MBOAT7: variants seen among roughly 807,000 people sequenced by gnomAD.
MBOAT7 encodes membrane bound acylglycerophosphatidylinositol O-acyltransferase MBOAT7, also known as membrane-bound acylglycerophosphatidylinositol O-acyltransferase MBOAT7.
Under a neutral mutation model 47.4 loss-of-function variants are expected in MBOAT7, and 40 were observed. The observed-to-expected ratio is 0.84, with a 90% CI of 0.66 to 1.10. MBOAT7 has a LOEUF of 1.10. MBOAT7 is among the 50% of genes least tolerant of loss of function. The probability of loss-of-function intolerance (pLI) is 0.00; values close to 1 mark genes in which losing one functional copy is unlikely to be tolerated. For missense variants in MBOAT7, 680 were observed against 655.6 expected (o/e 1.04, Z -0.41); for synonymous variants, 361 against 292.0 (o/e 1.24, Z -2.41).
intron 5 of MBOAT7, among the ~76,000 whole-genome samples, chr19:54,182,311 T>C (rs2076309648): frequency 6.6e-6 from 1 of 152,012 alleles, no homozygotes; most frequent in Non-Finnish European, 1.5e-5. Context: ...GTAAGCGCAA[T>C]GTCCAGAACA....
chr19:54,177,721 C>T (rs952514630), intron 7 of MBOAT7, among the ~76,000 whole-genome samples: 1 of 151,662 alleles, frequency 6.6e-6, no homozygotes, highest in Non-Finnish European at 1.5e-5. Flanking sequence ...GGATTATAGG[C>T]GCCCGCCACC....
chr19:54,183,561 C>T lies in MBOAT7; in HGVS notation c.453G>A (p.Glu151=). The T allele has an allele frequency of 6.8e-6, 11 of 1,608,302 alleles. No homozygotes were observed. The highest frequency in any genetic ancestry group is 1.1e-5 in the South Asian group (1 of 89,932). The change falls in exon 5 of 8, where the codon GAG becomes GAA. Residue 151 remains glutamate, a synonymous_variant. Transcript: ENST00000245615. ...GLLPDVPSLM[E]TLSYSYCYVG... is the part of the protein sequence containing the mutation. ...CGTAGCAGTAGCTGTAGCTGAGTGTCTCCATCAGGGAGGGCACGTCGGGCA... is the reference window on the plus strand; with the variant it reads ...CGTAGCAGTAGCTGTAGCTGAGTGTTTCCATCAGGGAGGGCACGTCGGGCA...
In MBOAT7 at chr19:54,174,398, C is replaced by A; in HGVS notation, c.1065G>T (p.Trp355Cys). 6.3e-7 allele frequency: 1 copy of A among 1,597,906 alleles called. No individual in the cohort carries two copies. The highest frequency in any genetic ancestry group is 8.5e-7 in the Non-Finnish European group (1 of 1,172,084). The change falls in exon 8 of 8, where the codon TGG becomes TGT. Residue 355 changes from tryptophan (W) to cysteine (C), a missense_variant. Trp to Cys is a radical substitution (Grantham distance 215, BLOSUM62 -2). Coordinates refer to ENST00000245615, the MANE Select transcript of MBOAT7 (RefSeq NM_024298.5). Reference sequence around the variant, plus strand: ...GGTAGTAGCCCGGGTGGAGGCCGTGCCAGTAGGCGCTCAGCAGCATGGTCC... The same window carrying A: ...GGTAGTAGCCCGGGTGGAGGCCGTGACAGTAGGCGCTCAGCAGCATGGTCC... ...SAWTMLLSAY[W>C]HGLHPGYYLS...
rs961811046 is a variant in MBOAT7 at position 54,188,528 on chromosome 19, G to T, written c.-3-17C>A. 1.3e-6 allele frequency: 2 copies of T among 1,549,990 alleles called. No individual in the cohort carries two copies. The highest frequency in any genetic ancestry group is 1.4e-5 in the African/African-American group (1 of 72,944). On this transcript the variant is annotated splice_polypyrimidine_tract_variant and intron_variant, in intron 1 of 7. Transcript: ENST00000245615. ...CGACATGGTCTGGGGGAGGGGCAGA[G>T]ATTCACAGTGAGAACCCAGGAATCC...
rs371287420 is a variant in MBOAT7, at chr19:54,174,300, C to T, written c.1163G>A (p.Ser388Asn). ...RLESALRGRL[S>N]PGGQKAWDWV... is the part of the protein sequence containing the mutation. ...GTCCCAGGCCTTCTGGCCCCCTGGG[C>T]TCAGCCGCCCCCGCAGGGCTGACTC... is the stretch of plus-strand genomic sequence containing the variant. The change falls in exon 8 of 8, where the codon AGC becomes AAC. Residue 388 changes from serine to asparagine, a missense_variant. Ser to Asn is a conservative substitution (Grantham distance 46). Coordinates refer to ENST00000245615, the MANE Select transcript of MBOAT7 (RefSeq NM_024298.5). The T allele has an allele frequency of 1.9e-5, 31 of 1,613,104 alleles. No homozygotes were observed. Among genetic ancestry groups the T allele is most frequent in the Middle Eastern group, 1.6e-4 (1 of 6,074 alleles).
At chr19:54,179,021 C>A in intron 6 of MBOAT7, 80 bp from the exon 7 acceptor site, 1 of 1,541,450 alleles carries the variant, frequency 6.5e-7, no homozygotes, top group South Asian at 1.2e-5. Flanking sequence ...GTGTCCCAGC[C>A]CCGGATGCTA....
intron 7 of MBOAT7, among the ~76,000 whole-genome samples, chr19:54,177,898 C>CTTTTT (rs2076152527): frequency 7.4e-5 from 4 of 54,070 alleles, no homozygotes; most frequent in African/African-American, 7.9e-5. Flanking sequence ...AGTTCTACTT[C>CTTTTT]TGTTTTTTTT....
At chr19:54,188,187 C>G in intron 3 of MBOAT7, 30 bp downstream of exon 3, 1 of 1,569,444 alleles carries the variant, frequency 6.4e-7, no homozygotes, top group South Asian at 1.2e-5. Context: ...CTCCCCTCCT[C>G]TCCCTCTCCT....
At chr19:54,175,396 CAGG>C (rs1000636243) in intron 7 of MBOAT7, among the ~76,000 whole-genome samples, 25 of 152,118 alleles carry the variant, frequency 1.6e-4, no homozygotes, top group African/African-American at 6.0e-4. Context: ...GGGTGGGGCC[CAGG>C]AGAAGTCTTC....
rs1325587144 is a variant in MBOAT7, at chr19:54,174,030, A to G, written c.*14T>C. ...ATTCCCGGGACCAGCTGGCAGAGGGAGCGTCGTGACAGCTTACTCCTCCCG... is the reference window on the plus strand; with the variant it reads ...ATTCCCGGGACCAGCTGGCAGAGGGGGCGTCGTGACAGCTTACTCCTCCCG... On this transcript the variant is annotated 3_prime_UTR_variant, in exon 8 of 8. Coordinates refer to ENST00000245615, the MANE Select transcript of MBOAT7 (RefSeq NM_024298.5). 1 of 1,556,898 alleles carries G rather than the reference A, an allele frequency of 6.4e-7. No homozygotes were observed. Among genetic ancestry groups the G allele is most frequent in the Non-Finnish European group, 8.6e-7 (1 of 1,156,976 alleles).
chr19:54,186,842 A>T (rs2076440543), intron 4 of MBOAT7: 1 of 358,398 alleles, frequency 2.8e-6, no homozygotes, highest in African/African-American at 2.0e-5. Flanking sequence ...TCCTTTGCAA[A>T]ATAGCTGGCT....
At chr19:54,177,327 G>A (rs10412998) in intron 7 of MBOAT7, among the ~76,000 whole-genome samples, 6,565 of 151,564 alleles carry the variant, frequency 0.043, 440 homozygotes, top group African/African-American at 0.15. Flanking sequence ...ACAGAGTCTC[G>A]CTCTGTTGCC....
At chr19:54,185,564 G>A (rs2076406637) in intron 4 of MBOAT7, among the ~76,000 whole-genome samples, 2 of 152,286 alleles carry the variant, frequency 1.3e-5, no homozygotes, top group African/African-American at 2.4e-5. Context: ...GCCAGCCAAC[G>A]GCCTGTATCA....
chr19:54,179,066 C>G, intron 6 of MBOAT7, 125 bp from the exon 7 acceptor site: 1 of 1,354,588 alleles, frequency 7.4e-7, no homozygotes, highest in Non-Finnish European at 1.0e-6. Flanking sequence ...GGCCCTCTGG[C>G]TGTCAGACTT....
Position 54,180,944 on chromosome 19 carries a change from G to A in MBOAT7, c.683C>T (p.Pro228Leu). 6.3e-7 allele frequency: 1 copy of A among 1,586,094 alleles called. No homozygotes were observed. The highest frequency in any genetic ancestry group is 8.6e-7 in the Non-Finnish European group (1 of 1,168,436). Residue 228 changes from proline to leucine, a missense_variant, in exon 6 of 8, where the codon CCC becomes CTC. Transcript: ENST00000245615. The surrounding 1 kb of genome is among the most constrained non-coding windows in gnomAD (Gnocchi z 5.2). ...REDAFYARPL[P>L]ARLFYMIPVF... The stretch of plus-strand genomic sequence containing the variant: ...GGGGATCATGTAGAAGAGGCGGGCG[G>A]GCAGCGGGCGGGCGTAGAAGGCGTC...
At chr19:54,182,377 T>C (rs1165044710) in intron 5 of MBOAT7, among the ~76,000 whole-genome samples, 1 of 152,128 alleles carries the variant, frequency 6.6e-6, no homozygotes, top group Non-Finnish European at 1.5e-5. Flanking sequence ...GGATGGAGGT[T>C]TGTGGGATGA....
At position 54,178,832 on chromosome 19, in the gene MBOAT7, T is replaced by C. The variant is rs377399161; in HGVS notation, c.964A>G (p.Met322Val). Residue 322 changes from methionine (M) to valine (V), a missense_variant, in exon 7 of 8, where the codon ATG becomes GTG. By Grantham distance (21) the Met-to-Val change is conservative (BLOSUM62 1). Transcript: ENST00000245615. ...RVRDGMRYWNMTVQWWLAQYI... is the reference protein window; with the variant it reads ...RVRDGMRYWNVTVQWWLAQYI... ...TGCGCCAGCCACCACTGCACCGTCATGTTCCAGTACCGCATGCCATCGCGC... is the reference window on the plus strand; with the variant it reads ...TGCGCCAGCCACCACTGCACCGTCACGTTCCAGTACCGCATGCCATCGCGC... The C allele has an allele frequency of 1.9e-6, 3 of 1,613,672 alleles. No individual in the cohort carries two copies. Among genetic ancestry groups the C allele is most frequent in the South Asian group, 2.2e-5 (2 of 91,090 alleles).
chr19:54,183,413 G>A (rs2076340002), intron 5 of MBOAT7, 108 bp downstream of exon 5: 2 of 1,302,572 alleles, frequency 1.5e-6, no homozygotes, highest in Admixed American at 2.4e-5. Context: ...AGCAGCAGAT[G>A]CTAGGATGGA....
At chr19:54,177,917 T>TTG (rs2076156708) in intron 7 of MBOAT7, among the ~76,000 whole-genome samples, 2 of 126,306 alleles carry the variant, frequency 1.6e-5, no homozygotes, top group African/African-American at 5.9e-5. Context: ...TTTTTTTTTT[T>TTG]TTTTTTTTTT....
Sources: allele counts gnomAD v4.1 joint callset (sites outside exome capture counted in the v4.1 genomes callset), GRCh38; gene constraint gnomAD v4.1.1; non-coding constraint Gnocchi (gnomAD v3.1); transcripts MANE v1.5; gene names NCBI Gene and HGNC (gene_info 2026-07-23, HGNC 2026-07-21).